Variants in MAP3K10 observed in about 807,000 individuals in gnomAD.
MAP3K10 encodes MKN28 derived nonreceptor_type serine/threonine kinase.
Under a neutral mutation model 75.0 loss-of-function variants are expected in MAP3K10, and 22 were observed. The ratio of observed to expected loss-of-function variants is 0.29; its 90% CI spans 0.21 to 0.42. The LOEUF (loss-of-function observed/expected upper bound fraction) is 0.42. Among genes scored for constraint, MAP3K10 ranks in the 10% least tolerant of loss-of-function variants. The pLI is 1.00. For missense variants in MAP3K10, 1,165 were observed against 1,379.8 expected, an observed-to-expected ratio of 0.84 and a Z score of 2.47; for synonymous variants, 599 against 612.9, an observed-to-expected ratio of 0.98 and a Z score of 0.34.
At chr19:40,211,795 C>G (rs1973245559) in intron 6 of MAP3K10, among the ~76,000 whole-genome samples, 1 of 152,182 alleles carries the variant, frequency 6.6e-6, no homozygotes, top group African/African-American at 2.4e-5. Context: ...GCGATCTCAA[C>G]TCACTGCAAC....
intron 9 of MAP3K10, among the ~76,000 whole-genome samples, chr19:40,214,747 G>A (rs983907465): frequency 6.6e-6 from 1 of 152,110 alleles, no homozygotes; most frequent in Non-Finnish European, 1.5e-5. Context: ...CCAGAAGGTT[G>A]AGGAACATGC....
chr19:40,201,232 G>A (rs1005914922), intron 2 of MAP3K10, among the ~76,000 whole-genome samples: 5 of 150,972 alleles, frequency 3.3e-5, no homozygotes, highest in African/African-American at 9.8e-5. Context: ...GAGTACAGCG[G>A]CGCGATCTTG....
rs140392273 is a variant in MAP3K10, at chr19:40,215,144, G to A, written c.2717G>A (p.Arg906Gln). Residue 906 changes from arginine (R) to glutamine (Q), a missense_variant, in exon 10 of 10, where the codon CGG (arginine) becomes CAG (glutamine). Transcript: ENST00000253055. ...CCCTGGAAACTGGTCTCCTTCGGCC[G>A]GACACTCACCATCTCGCCTCCCAGC... ...LDPWKLVSFGRTLTISPPSRP... is the reference protein window; with the variant it reads ...LDPWKLVSFGQTLTISPPSRP... The A allele has an allele frequency of 3.6e-5, 58 of 1,609,386 alleles. No homozygotes were observed. Among genetic ancestry groups the A allele is most frequent in the South Asian group, 1.1e-4 (10 of 90,544 alleles).
At chr19:40,210,145 T>C (rs1200449252) in intron 6 of MAP3K10, among the ~76,000 whole-genome samples, 1 of 152,058 alleles carries the variant, frequency 6.6e-6, no homozygotes, top group African/African-American at 2.4e-5. Context: ...CAGGCACCTG[T>C]AGTCCCAGCT....
chr19:40,197,413 C>T (rs559881201), intron 1 of MAP3K10, among the ~76,000 whole-genome samples: 2 of 152,258 alleles, frequency 1.3e-5, no homozygotes, highest in South Asian at 4.1e-4. Flanking sequence ...GCCACCTCCA[C>T]CTCCCAGGTT....
intron 5 of MAP3K10, among the ~76,000 whole-genome samples, chr19:40,207,414 A>C (rs1973143425): frequency 6.6e-6 from 1 of 152,168 alleles, no homozygotes; most frequent in Admixed American, 6.5e-5. Context: ...ACATAAAAGC[A>C]AAAAGAAATA....
At chr19:40,200,115 A>G (rs1248497140) in intron 2 of MAP3K10, among the ~76,000 whole-genome samples, 2 of 152,230 alleles carry the variant, frequency 1.3e-5, no homozygotes. Flanking sequence ...CCTGGCCAAC[A>G]TGGTGAAACC....
Position 40,212,697 on chromosome 19 carries a change from C to T in MAP3K10, c.1553-108C>T, listed in dbSNP as rs1029848230. ...GGTCATGACTGGAGTTCAAAAGAGC[C>T]CTTGGACTCCCAGGCGGAGGGTGGG... On this transcript the variant is annotated intron_variant, in intron 6 of 9. Coordinates refer to ENST00000253055, the MANE Select transcript of MAP3K10 (RefSeq NM_002446.4). This position sits in a 1 kb window ranked among gnomAD's most constrained non-coding sequence, Gnocchi z 4.2. 20 of 1,398,552 alleles carry T rather than the reference C, an allele frequency of 1.4e-5. No homozygotes were observed. The Admixed American group carries it at 3.1e-4, about 22-fold the overall frequency. The allele number at this position is 1,398,552 out of a possible 1,614,324, so 86.6% of individuals were successfully genotyped here.
rs764231586 is a variant in MAP3K10, at chr19:40,215,102, G to A, written c.2675G>A (p.Ser892Asn). The A allele has an allele frequency of 1.9e-6, 3 of 1,610,472 alleles. No individual in the cohort carries two copies. The highest frequency in any genetic ancestry group is 1.1e-5 in the South Asian group (1 of 90,838). Reference sequence around the variant, plus strand: ...GCCCCGAGACCTCGGCCGGCTGCCAGTCGCCCCCGCTTGGACCCCTGGAAA... The same window carrying A: ...GCCCCGAGACCTCGGCCGGCTGCCAATCGCCCCCGCTTGGACCCCTGGAAA... ...TFAPRPRPAASRPRLDPWKLV... is the reference protein window; with the variant it reads ...TFAPRPRPAANRPRLDPWKLV... Residue 892 changes from serine (S) to asparagine (N), a missense_variant, in exon 10 of 10, where the codon AGT becomes AAT. By Grantham distance (46) the Ser-to-Asn change is conservative (BLOSUM62 1). This residue lies in a region of MAP3K10 where 590 missense variants were observed against 586.6 expected (regional missense o/e 1.01). Coordinates refer to ENST00000253055, the MANE Select transcript of MAP3K10 (RefSeq NM_002446.4).
chr19:40,192,300 C>A lies in MAP3K10; in HGVS notation c.269C>A (p.Pro90His), dbSNP rs1314952933. The change falls in exon 1 of 10, where the codon CCC becomes CAC. Residue 90 changes from proline (P) to histidine (H), a missense_variant. By Grantham distance (77) the Pro-to-His change is moderately conservative (BLOSUM62 -2). Coordinates refer to ENST00000253055, the MANE Select transcript of MAP3K10 (RefSeq NM_002446.4). This position sits in a 1 kb window ranked among gnomAD's most constrained non-coding sequence, Gnocchi z 7.1. The part of the protein sequence containing the change: ...APAAPAGLQL[P>H]QEIPFHELQL... ...GCTGCACCCGCGGGCCTCCAGCTGC[C>A]CCAGGAGATCCCCTTCCACGAGCTG... The A allele has an allele frequency of 6.3e-7, 1 of 1,599,846 alleles. No individual in the cohort carries two copies. Among genetic ancestry groups the A allele is most frequent in the Non-Finnish European group, 8.5e-7 (1 of 1,175,510 alleles).
intron 2 of MAP3K10, among the ~76,000 whole-genome samples, chr19:40,201,748 G>T (rs1973026774): frequency 6.7e-6 from 1 of 149,960 alleles, no homozygotes; most frequent in Non-Finnish European, 1.5e-5. Flanking sequence ...CTCCCAAAGT[G>T]CTGACATTAC....
intron 1 of MAP3K10, among the ~76,000 whole-genome samples, chr19:40,195,110 T>C (rs1972881224): frequency 2.0e-5 from 3 of 151,974 alleles, no homozygotes; most frequent in African/African-American, 7.3e-5. Flanking sequence ...ACAGCAGGCA[T>C]TGAGGCAGAG....
chr19:40,215,056 C>A lies in MAP3K10; in HGVS notation c.2629C>A (p.Arg877Ser). The A allele has an allele frequency of 5.0e-6, 8 of 1,606,290 alleles. No homozygotes were observed. The highest frequency in any genetic ancestry group is 6.0e-6 in the Non-Finnish European group (7 of 1,175,970). Residue 877 changes from arginine to serine, a missense_variant, in exon 10 of 10, where the codon CGC (arginine) becomes AGC (serine). Arg to Ser is a moderately radical substitution (Grantham distance 110, BLOSUM62 -1). Transcript: ENST00000253055. ...CCGCCGGCCCCCTGAGTTCCCAGGC[C>A]GCCCCACCACCCTGACCTTTGCCCC... Reference protein sequence around the residue: ...ARRRPPEFPGRPTTLTFAPRP... With the variant: ...ARRRPPEFPGSPTTLTFAPRP...
chr19:40,195,587 G>A (rs548058399), intron 1 of MAP3K10, among the ~76,000 whole-genome samples: 3 of 141,172 alleles, frequency 2.1e-5, no homozygotes, highest in South Asian at 2.3e-4. Flanking sequence ...TCCGCCTCCC[G>A]GGTTCAAGTG....
At position 40,214,002 on chromosome 19, in the gene MAP3K10, T is replaced by TGCCCCCCCCCCCCCCCCCCCCCC; in HGVS notation, c.2323_2324insGCCCCCCCCCCCCCCCCCCCCCC (p.Ser775CysfsTer55). ...TGACGAGGCCGCACCGGCCGCGCCC[T>TGCCCCCCCCCCCCCCCCCCCCCC]CCCCACCACCCTCCCCGCCCGCGCC... On this transcript the variant is annotated frameshift_variant, in exon 9 of 10. Coordinates refer to ENST00000253055, the MANE Select transcript of MAP3K10 (RefSeq NM_002446.4). LOFTEE classifies it high-confidence loss of function. 6 of 1,493,660 alleles carry TGCCCCCCCCCCCCCCCCCCCCCC rather than the reference T, an allele frequency of 4.0e-6. No individual in the cohort carries two copies. The highest frequency in any genetic ancestry group is 2.6e-5 in the East Asian group (1 of 37,788). The allele number at this position is 1,493,660 out of a possible 1,614,324, so 92.5% of individuals were successfully genotyped here. A position where few individuals can be genotyped will look rare whatever the true frequency, so the allele number is the denominator to read the frequency against.
At chr19:40,209,600 G>A (rs1973196788) in intron 6 of MAP3K10, among the ~76,000 whole-genome samples, 1 of 151,816 alleles carries the variant, frequency 6.6e-6, no homozygotes, top group African/African-American at 2.4e-5. Context: ...TTTTAATAGA[G>A]ATGGGGGTTT....
In MAP3K10 at chr19:40,192,010, C is replaced by G. The variant is rs1225455490; in HGVS notation, c.-22C>G. Reference sequence around the variant, plus strand: ...GGGCAGCCTGTGTGAAGCGGCCTCCCGCAGCCCCCGGCCCCTCCCCCATGG... The same window carrying G: ...GGGCAGCCTGTGTGAAGCGGCCTCCGGCAGCCCCCGGCCCCTCCCCCATGG... On this transcript the variant is annotated 5_prime_UTR_variant, in exon 1 of 10. Transcript: ENST00000253055. The surrounding 1 kb of genome is among the most constrained non-coding windows in gnomAD (Gnocchi z 7.1). The G allele has an allele frequency of 4.3e-6, 6 of 1,395,562 alleles. No homozygotes were observed. Among genetic ancestry groups the G allele is most frequent in the Non-Finnish European group, 5.6e-6 (6 of 1,076,246 alleles). The allele number at this position is 1,395,562 out of a possible 1,614,324, so 86.4% of individuals were successfully genotyped here.
intron 2 of MAP3K10, among the ~76,000 whole-genome samples, chr19:40,201,587 G>A (rs139698333): frequency 0.018 from 2,731 of 150,450 alleles, 89 homozygotes; most frequent in Admixed American, 0.07. Flanking sequence ...CAACCTCCTG[G>A]GCTCAAGTGA....
rs925310159 is a variant in MAP3K10, at chr19:40,204,837, C to T, written c.1012+204C>T. 22 of 665,642 alleles carry T rather than the reference C, an allele frequency of 3.3e-5. No homozygotes were observed. The highest frequency in any genetic ancestry group is 2.5e-5 in the Non-Finnish European group (10 of 398,574). 41.2% of individuals were successfully genotyped at this position (665,642 alleles called of 1,614,324 possible). A position where few individuals can be genotyped will look rare whatever the true frequency, so the allele number is the denominator to read the frequency against. ...GCCCTTGTTTGGGCCAGGCCCAGAG[C>T]TCTCAGGACAACCTGTTAGGATTCC... On this transcript the variant is annotated intron_variant, in intron 3 of 9. Coordinates refer to ENST00000253055, the MANE Select transcript of MAP3K10 (RefSeq NM_002446.4). This position sits in a 1 kb window ranked among gnomAD's most constrained non-coding sequence, Gnocchi z 4.3.
Sources: allele counts gnomAD v4.1 joint callset (sites outside exome capture counted in the v4.1 genomes callset), GRCh38; gene constraint gnomAD v4.1.1; regional missense constraint gnomAD v4.1.1; non-coding constraint Gnocchi (gnomAD v3.1); transcripts MANE v1.5; gene names NCBI Gene and HGNC (gene_info 2026-07-23, HGNC 2026-07-21).